The following CSMD1 variants were observed in gnomAD, a reference collection of about 807,000 sequenced individuals.
CSMD1 encodes CUB and sushi domain-containing protein 1.
Under a neutral mutation model 417.5 loss-of-function variants are expected in CSMD1, and 213 were observed. The ratio of observed to expected loss-of-function variants is 0.51; its 90% CI spans 0.46 to 0.57. CSMD1 has a LOEUF of 0.57. Ranked by LOEUF, CSMD1 falls within the 20% of genes least tolerant of loss-of-function variation. The pLI, the probability that CSMD1 is intolerant of heterozygous loss-of-function variation, is 0.00. For missense variants in CSMD1, 6,923 were observed against 4,529.7 expected (o/e 1.53, Z -15.17); for synonymous variants, 2,862 against 1,736.8 (o/e 1.65, Z -16.11).
At chr8:3,308,731 A>AATTTTTTTTTTTTT (rs750152499) in intron 23 of CSMD1, among the ~76,000 whole-genome samples, 21 of 75,812 alleles carry the variant, frequency 2.8e-4, no homozygotes, top group Non-Finnish European at 4.5e-4. Flanking sequence ...CCTACTTACA[A>AATTTTTTTTTTTTT]GTTTTTTTTT....
chr8:4,375,411 G>A (rs895268471), intron 3 of CSMD1, among the ~76,000 whole-genome samples: 1 of 152,094 alleles, frequency 6.6e-6, no homozygotes, highest in Admixed American at 6.5e-5. Flanking sequence ...GGAATAATGA[G>A]CACAAGCATC....
chr8:3,374,066 C>G (rs990893777), intron 18 of CSMD1, among the ~76,000 whole-genome samples: 1 of 151,774 alleles, frequency 6.6e-6, no homozygotes, highest in African/African-American at 2.4e-5. Flanking sequence ...AATTCTCCTC[C>G]CTCAGCCTCC....
At chr8:3,821,480 G>T (rs564527669) in intron 5 of CSMD1, among the ~76,000 whole-genome samples, 44 of 149,126 alleles carry the variant, frequency 3.0e-4, no homozygotes, top group Non-Finnish European at 5.6e-4. Flanking sequence ...GACATTTTTG[G>T]CTCCATTAAA....
chr8:4,977,415 CTG>C (rs1446607004), intron 1 of CSMD1, among the ~76,000 whole-genome samples: 3 of 152,110 alleles, frequency 2.0e-5, no homozygotes, highest in Non-Finnish European at 4.4e-5. Flanking sequence ...CTGGAGGAGA[CTG>C]TTGTGTGTGA....
At chr8:4,116,160 A>C (rs989773232) in intron 3 of CSMD1, among the ~76,000 whole-genome samples, 1 of 151,830 alleles carries the variant, frequency 6.6e-6, no homozygotes, top group Non-Finnish European at 1.5e-5. Flanking sequence ...CACCCAGCTA[A>C]TTTTTGTATT....
intron 50 of CSMD1, among the ~76,000 whole-genome samples, chr8:3,042,342 T>G (rs1221876100): frequency 6.6e-6 from 1 of 152,080 alleles, no homozygotes; most frequent in Non-Finnish European, 1.5e-5. Flanking sequence ...TCCAAGCAGG[T>G]AGCAAACAGC....
At chr8:2,968,253 C>T (rs1804143425) in intron 57 of CSMD1, among the ~76,000 whole-genome samples, 1 of 152,208 alleles carries the variant, frequency 6.6e-6, no homozygotes, top group Non-Finnish European at 1.5e-5. Flanking sequence ...TGTGGATGGG[C>T]TAATGGAAAG....
chr8:3,308,775 G>A (rs1339866444), intron 23 of CSMD1, among the ~76,000 whole-genome samples: 1 of 141,060 alleles, frequency 7.1e-6, no homozygotes, highest in Non-Finnish European at 1.5e-5. Flanking sequence ...CCAGGCTGGA[G>A]TGCAATGGCG....
At chr8:4,958,867 T>C (rs1479511411) in intron 1 of CSMD1, among the ~76,000 whole-genome samples, 2 of 152,188 alleles carry the variant, frequency 1.3e-5, no homozygotes. Context: ...AGAAAGCAGG[T>C]AATTTATTGA....
intron 25 of CSMD1, among the ~76,000 whole-genome samples, chr8:3,290,286 C>T (rs1327571895): frequency 6.8e-6 from 1 of 147,026 alleles, no homozygotes; most frequent in East Asian, 2.0e-4. Context: ...GTTCTTTTGG[C>T]TTAGGATTGA....
At chr8:3,590,145 C>A (rs1401109640) in intron 8 of CSMD1, among the ~76,000 whole-genome samples, 1 of 151,870 alleles carries the variant, frequency 6.6e-6, no homozygotes, top group Non-Finnish European at 1.5e-5. Flanking sequence ...AAGGACAATA[C>A]AAAATTGTAT....
chr8:3,269,808 T>C (rs537373981), intron 26 of CSMD1, among the ~76,000 whole-genome samples: 1 of 152,356 alleles, frequency 6.6e-6, no homozygotes, highest in East Asian at 1.9e-4. Context: ...AGTCAGTTCA[T>C]GTCCTTCTGT....
chr8:4,103,490 A>G (rs1317903639), intron 3 of CSMD1, among the ~76,000 whole-genome samples: 1 of 147,632 alleles, frequency 6.8e-6, no homozygotes, highest in Non-Finnish European at 1.5e-5. Context: ...TTACATATAT[A>G]TAAATAAACA....
intron 1 of CSMD1, among the ~76,000 whole-genome samples, chr8:4,654,764 G>T (rs551445235): frequency 6.6e-6 from 1 of 151,740 alleles, no homozygotes; most frequent in Non-Finnish European, 1.5e-5. Context: ...TTATTTTTTG[G>T]GTCCCTTCTG....
intron 5 of CSMD1, among the ~76,000 whole-genome samples, chr8:3,875,727 G>A (rs970592180): frequency 1.3e-5 from 2 of 152,158 alleles, no homozygotes; most frequent in Admixed American, 6.5e-5. Flanking sequence ...GTGGATTGAG[G>A]AAAGAAAGGC....
In CSMD1 at chr8:4,056,078, CT is replaced by C. The variant is rs58415435; in HGVS notation, c.416-23980del. ...TCTCTGTTTGGATATTGGTGGCTTC[CT>C]TTTTTTTTTTTTTTTTTTTTGAGAC... On this transcript the variant is annotated intron_variant, in intron 3 of 69. Transcript: ENST00000635120. Among the ~76,000 whole-genome samples the C allele has an allele frequency of 2.8e-4, 27 of 97,842 alleles. 1 individual carries two copies. The highest frequency in any genetic ancestry group is 7.4e-4 in the African/African-American group (19 of 25,540). The allele number at this position is 97,842 out of a possible 152,430, so 64.2% of individuals were successfully genotyped here.
At chr8:4,223,103 G>A (rs1370423606) in intron 3 of CSMD1, among the ~76,000 whole-genome samples, 1 of 151,026 alleles carries the variant, frequency 6.6e-6, no homozygotes, top group African/African-American at 2.4e-5. Context: ...CCTGCCCTGA[G>A]CATCTGTAGT....
intron 25 of CSMD1, among the ~76,000 whole-genome samples, chr8:3,298,139 G>A (rs1432366116): frequency 1.3e-5 from 2 of 152,100 alleles, no homozygotes; most frequent in African/African-American, 2.4e-5. Context: ...ACCCTCTCAG[G>A]GAGTGAGGGT....
intron 17 of CSMD1, 91 bp downstream of exon 17, chr8:3,396,103 C>T: frequency 1.8e-6 from 2 of 1,087,220 alleles, no homozygotes; most frequent in Admixed American, 4.3e-5. Context: ...TAAACTAGCA[C>T]AGTCATCTGC....
Sources: gnomAD v4.1 joint callset for allele counts (sites outside exome capture counted in the v4.1 genomes callset) on GRCh38, gnomAD v4.1.1 for gene constraint, MANE v1.5 for transcripts, NCBI Gene and HGNC (gene_info 2026-07-23, HGNC 2026-07-21) for gene names.